C10orf53: variants seen among roughly 807,000 people sequenced by gnomAD.
C10orf53 encodes the protein UPF0728 protein C10orf53.
Under a neutral mutation model 9.4 loss-of-function variants are expected in C10orf53, and 8 were observed. The observed-to-expected ratio is 0.85, with a 90% CI of 0.50 to 1.53. The LOEUF is 1.53. Ranked by LOEUF, C10orf53 falls within the 40% of genes most tolerant of loss-of-function variation. The pLI is 0.00. For missense variants in C10orf53, 117 were observed against 117.8 expected (o/e 0.99, Z 0.03); for synonymous variants, 48 against 46.0 (o/e 1.04, Z -0.18).
intron 1 of C10orf53, among the ~76,000 whole-genome samples, chr10:49,689,696 CTA>C (rs1410890541): frequency 2.0e-5 from 3 of 152,154 alleles, no homozygotes; most frequent in East Asian, 1.9e-4. Context: ...TGCAGCCACT[CTA>C]TGTGTGTGAC....
Position 49,696,134 on chromosome 10 carries a change from A to G in C10orf53, c.*1532A>G, listed in dbSNP as rs1446531290. 2.0e-5 allele frequency: 3 copies of G among 152,244 alleles called. No individual in the cohort carries two copies. Among genetic ancestry groups the G allele is most frequent in the East Asian group, 3.8e-4 (2 of 5,196 alleles). 9.4% of individuals were successfully genotyped at this position (152,244 alleles called of 1,614,324 possible). A position where few individuals can be genotyped will look rare whatever the true frequency, so the allele number is the denominator to read the frequency against. On this transcript the variant is annotated 3_prime_UTR_variant, in exon 3 of 3. Coordinates refer to ENST00000374111, the MANE Select transcript of C10orf53 (RefSeq NM_001042427.3). ...AATTGACTTCATCCATTTGAGATTT[A>G]TGCACAATTTTGTAAGTTTTTAAAA...
rs757295118 is a variant in C10orf53, at chr10:49,694,579, A to G, written c.259A>G (p.Ile87Val). Residue 87 changes from isoleucine (I) to valine (V), a missense_variant, in exon 3 of 3, where the codon ATA (isoleucine) becomes GTA (valine). Transcript: ENST00000374111. ...AGACCCACTGTGTGAAAAGGCCAGG[A>G]TAGCCGTGCTGAATGCCTACTGATC... ...KLDPLCEKAR[I>V]AVLNAY The G allele has an allele frequency of 6.2e-7, 1 of 1,614,266 alleles. No homozygotes were observed. Among genetic ancestry groups the G allele is most frequent in the Non-Finnish European group, 8.5e-7 (1 of 1,180,042 alleles).
downstream of C10orf53, among the ~76,000 whole-genome samples, chr10:49,702,444 G>A (rs969430880): frequency 2.0e-5 from 3 of 152,168 alleles, no homozygotes; most frequent in African/African-American, 7.2e-5. Context: ...CAAGGTGGGA[G>A]CCTCATCCAG....
At chr10:49,688,832 C>A (rs2132878584) in intron 1 of C10orf53, among the ~76,000 whole-genome samples, 1 of 152,300 alleles carries the variant, frequency 6.6e-6, no homozygotes, top group Non-Finnish European at 1.5e-5. Context: ...CCTTCATGGG[C>A]AGGCCTTCCT....
intron 2 of C10orf53, chr10:49,708,263 G>C (rs1199826268): frequency 1.1e-5 from 16 of 1,521,862 alleles, no homozygotes; most frequent in Non-Finnish European, 1.3e-5. Flanking sequence ...GAAAAGTCCA[G>C]CTATAGGCAT....
chr10:49,683,888 ACT>A (rs1394860137), intron 1 of C10orf53, among the ~76,000 whole-genome samples: 1 of 151,982 alleles, frequency 6.6e-6, no homozygotes, highest in Non-Finnish European at 1.5e-5. Context: ...AGAGCAAAAG[ACT>A]CTGTCTAAAA....
intron 2 of C10orf53, among the ~76,000 whole-genome samples, chr10:49,708,120 T>C (rs568313153): frequency 9.3e-4 from 141 of 152,164 alleles, no homozygotes; most frequent in Non-Finnish European, 1.7e-3. Context: ...AACATCTTTC[T>C]CCAGCCCTGA....
chr10:49,686,995 A>G (rs568055542), intron 1 of C10orf53, among the ~76,000 whole-genome samples: 1 of 152,364 alleles, frequency 6.6e-6, no homozygotes, highest in African/African-American at 2.4e-5. Context: ...AAGGTGAGGC[A>G]AGGGCAGGCA....
intron 2 of C10orf53, 186 bp downstream of exon 2, chr10:49,694,079 A>T: frequency 1.5e-5 from 11 of 744,624 alleles, no homozygotes; most frequent in Non-Finnish European, 2.2e-5. Context: ...ACCACACAGT[A>T]AAGTGTGTGA....
chr10:49,692,783 A>T (rs969565152), intron 1 of C10orf53, among the ~76,000 whole-genome samples: 2 of 152,252 alleles, frequency 1.3e-5, no homozygotes, highest in African/African-American at 4.8e-5. Context: ...CAATAAAAAG[A>T]TTAAATCTGA....
At chr10:49,682,902 G>A (rs1227970751) in intron 1 of C10orf53, among the ~76,000 whole-genome samples, 1 of 152,162 alleles carries the variant, frequency 6.6e-6, no homozygotes, top group Non-Finnish European at 1.5e-5. Context: ...GTTTATCCAT[G>A]CTACAGCATG....
At chr10:49,708,888 C>T in exon 3 of C10orf53, 1 of 481,948 alleles carries the variant, frequency 2.1e-6, no homozygotes, top group South Asian at 2.4e-5. Context: ...ACAGCCCCCA[C>T]CATCTTCTGA....
chr10:49,696,625 TAAGA>T lies in C10orf53; in HGVS notation c.*2026_*2029del, dbSNP rs1342627133. Among the ~76,000 whole-genome samples the T allele has an allele frequency of 6.6e-6, 1 of 152,182 alleles. No individual in the cohort carries two copies. The highest frequency in any genetic ancestry group is 1.5e-5 in the Non-Finnish European group (1 of 68,034). ...GTAAGGCGAGACAGTACACGGATTC[TAAGA>T]AATACCGGAGAAGCTTCTGGGAGAT... On this transcript the variant is annotated 3_prime_UTR_variant, in exon 3 of 3. Coordinates refer to ENST00000374111, the MANE Select transcript of C10orf53 (RefSeq NM_001042427.3).
rs144572756 is a variant in C10orf53, at chr10:49,693,794, C to G, written c.118C>G (p.His40Asp). The G allele has an allele frequency of 6.2e-7, 1 of 1,613,700 alleles. No homozygotes were observed. The highest frequency in any genetic ancestry group is 1.3e-5 in the African/African-American group (1 of 74,930). ...GLQAVLAIDG[H>D]EVILEKIEDW... Reference sequence around the variant, plus strand: ...CCCAGCTGTGTTGGCCATAGATGGACATGAGGTCATCCTAGAGAAGATAGA... The same window carrying G: ...CCCAGCTGTGTTGGCCATAGATGGAGATGAGGTCATCCTAGAGAAGATAGA... The change falls in exon 2 of 3, where the codon CAT (histidine) becomes GAT (aspartate). Residue 40 changes from histidine (H) to aspartate (D), a missense_variant. Physicochemically the swap from His to Asp is moderately conservative, Grantham distance 81. Transcript: ENST00000374111.
At chr10:49,706,260 A>C (rs1840721540) in intron 2 of C10orf53, among the ~76,000 whole-genome samples, 1 of 152,234 alleles carries the variant, frequency 6.6e-6, no homozygotes, top group South Asian at 2.1e-4. Flanking sequence ...AAATGAAAAC[A>C]TATGCTGACA....
At chr10:49,690,754 C>T (rs1273240509) in intron 1 of C10orf53, among the ~76,000 whole-genome samples, 2 of 152,306 alleles carry the variant, frequency 1.3e-5, no homozygotes, top group East Asian at 3.9e-4. Context: ...ATAGAATCCA[C>T]CCCACGTAGC....
chr10:49,701,836 C>T (rs1840685641), downstream of C10orf53, among the ~76,000 whole-genome samples: 1 of 152,140 alleles, frequency 6.6e-6, no homozygotes, highest in Admixed American at 6.5e-5. Flanking sequence ...CAATGACGAT[C>T]TCTTCTCTTT....
intron 1 of C10orf53, among the ~76,000 whole-genome samples, chr10:49,686,322 G>A (rs766147178): frequency 5.9e-5 from 9 of 152,126 alleles, no homozygotes; most frequent in East Asian, 1.9e-4. Context: ...GAGAATGTAC[G>A]TCACCTCAGG....
chr10:49,688,337 G>A (rs766300798), intron 1 of C10orf53, among the ~76,000 whole-genome samples: 76 of 151,930 alleles, frequency 5.0e-4, no homozygotes, highest in Non-Finnish European at 8.1e-4. Flanking sequence ...CTCAAAGTAC[G>A]CCCAGAATTA....
Sources: gnomAD v4.1 joint callset for allele counts (sites outside exome capture counted in the v4.1 genomes callset) on GRCh38, gnomAD v4.1.1 for gene constraint, MANE v1.5 for transcripts, NCBI Gene and HGNC (gene_info 2026-07-23, HGNC 2026-07-21) for gene names.